The following APBA1 variants were observed in gnomAD, a reference collection of about 807,000 sequenced individuals.
APBA1 encodes amyloid beta precursor protein binding family A member 1.
APBA1 carries 55 observed loss-of-function variants against 86.6 expected under a neutral mutation model. The observed-to-expected ratio is 0.64, with a 90% CI of 0.51 to 0.80. The LOEUF is 0.80. Among genes scored for constraint, APBA1 ranks in the 30% least tolerant of loss-of-function variants. The probability of loss-of-function intolerance (pLI) is 0.00; values close to 1 mark genes in which losing one functional copy is unlikely to be tolerated. For synonymous variants in APBA1, 511 were observed against 493.9 expected (o/e 1.03, Z -0.46); for missense variants, 1,090 against 1,183.0 (o/e 0.92, Z 1.15).
intron 2 of APBA1, among the ~76,000 whole-genome samples, chr9:69,510,766 C>T (rs375300153): frequency 3.4e-5 from 5 of 145,670 alleles, no homozygotes; most frequent in East Asian, 2.1e-4. Flanking sequence ...GAAATAACGC[C>T]GCATATCTAC....
At chr9:69,618,448 A>C (rs1340230574) in intron 1 of APBA1, among the ~76,000 whole-genome samples, 2 of 152,248 alleles carry the variant, frequency 1.3e-5, no homozygotes, top group Admixed American at 1.3e-4. Context: ...CAAAGCTCAC[A>C]ATATGGAAGG....
intron 1 of APBA1, among the ~76,000 whole-genome samples, chr9:69,621,420 A>T (rs774416310): frequency 6.6e-6 from 1 of 152,144 alleles, no homozygotes; most frequent in Non-Finnish European, 1.5e-5. Context: ...TTTCCAGTCA[A>T]CCAGCCTAGA....
chr9:69,467,717 A>G, intron 5 of APBA1, 106 bp downstream of exon 5: 1 of 1,468,116 alleles, frequency 6.8e-7, no homozygotes. Context: ...ATGTCATCTC[A>G]AACCACTCTC....
intron 1 of APBA1, among the ~76,000 whole-genome samples, chr9:69,525,981 T>C (rs1408787263): frequency 6.6e-6 from 1 of 152,158 alleles, no homozygotes; most frequent in Non-Finnish European, 1.5e-5. Context: ...GACTCCTTGT[T>C]CAATAAATGG....
At chr9:69,630,461 T>G (rs1294418841) in intron 1 of APBA1, among the ~76,000 whole-genome samples, 1 of 152,142 alleles carries the variant, frequency 6.6e-6, no homozygotes, top group Non-Finnish European at 1.5e-5. Flanking sequence ...ACCCTCCTGG[T>G]CGCCACTGAA....
intron 10 of APBA1, among the ~76,000 whole-genome samples, chr9:69,447,717 T>A (rs1748607924): frequency 6.6e-6 from 1 of 152,194 alleles, no homozygotes; most frequent in Non-Finnish European, 1.5e-5. Context: ...CTTCCTAGCT[T>A]GTACAATGGG....
chr9:69,630,699 C>G (rs1038388751), intron 1 of APBA1, among the ~76,000 whole-genome samples: 3 of 152,194 alleles, frequency 2.0e-5, no homozygotes, highest in African/African-American at 7.2e-5. Flanking sequence ...TAGAAACACT[C>G]CCCTCTCTCC....
In APBA1 at chr9:69,456,354, G is replaced by A. The variant is rs199844166; in HGVS notation, c.1681C>T (p.Arg561Trp). 121 of 1,613,964 alleles carry A rather than the reference G, an allele frequency of 7.5e-5. No individual in the cohort carries two copies. Among genetic ancestry groups the A allele is most frequent in the Middle Eastern group, 1.6e-4 (1 of 6,084 alleles). The change falls in exon 8 of 13, where the codon CGG becomes TGG. Residue 561 changes from arginine (R) to tryptophan (W), a missense_variant. By Grantham distance (101) the Arg-to-Trp change is moderately radical. Transcript: ENST00000265381. Reference sequence around the variant, plus strand: ...TGGGAGTTGGAGCGAGGCATCCGCCGGCGGGCCATCAGCACAACGATGTTC... The same window carrying A: ...TGGGAGTTGGAGCGAGGCATCCGCCAGCGGGCCATCAGCACAACGATGTTC... The part of the protein sequence containing the change: ...IGNIVVLMAR[R>W]RMPRSNSQEN...
At chr9:69,595,831 C>T (rs1414114295) in intron 1 of APBA1, among the ~76,000 whole-genome samples, 1 of 152,110 alleles carries the variant, frequency 6.6e-6, no homozygotes, top group African/African-American at 2.4e-5. Context: ...CTGAAGAGAC[C>T]TTCAGGTCAG....
At chr9:69,456,163 C>G in intron 8 of APBA1, 84 bp downstream of exon 8, 1 of 1,402,748 alleles carries the variant, frequency 7.1e-7, no homozygotes. Context: ...ATACATGCAT[C>G]ATGTGTGATG....
intron 1 of APBA1, among the ~76,000 whole-genome samples, chr9:69,601,770 T>C (rs1822353893): frequency 6.6e-6 from 1 of 152,220 alleles, no homozygotes; most frequent in African/African-American, 2.4e-5. Flanking sequence ...TGGCAGTGCT[T>C]GAATCAAACA....
chr9:69,603,514 C>T (rs1822396639), intron 1 of APBA1, among the ~76,000 whole-genome samples: 1 of 152,216 alleles, frequency 6.6e-6, no homozygotes, highest in South Asian at 2.1e-4. Flanking sequence ...CTGTTATAAA[C>T]TTGCTATAAT....
intron 1 of APBA1, among the ~76,000 whole-genome samples, chr9:69,547,385 T>C (rs1302656507): frequency 6.6e-6 from 1 of 152,146 alleles, no homozygotes; most frequent in Admixed American, 6.5e-5. Context: ...GTAAAGAAGG[T>C]GCATTTCAGC....
intron 1 of APBA1, among the ~76,000 whole-genome samples, chr9:69,600,828 A>G (rs1454692487): frequency 6.7e-6 from 1 of 149,196 alleles, no homozygotes; most frequent in African/African-American, 2.4e-5. Flanking sequence ...AAATAAATAA[A>G]TAAATAAAAT....
Position 69,440,096 on chromosome 9 carries a change from C to T in APBA1, c.2301+900G>A, listed in dbSNP as rs536088940. 5.0e-3 allele frequency among the ~76,000 whole-genome samples: 765 copies of T among 152,274 alleles called. 2 individuals carry two copies. Among genetic ancestry groups the T allele is most frequent in the South Asian group, 0.02 (95 of 4,820 alleles). On this transcript the variant is annotated intron_variant, in intron 11 of 12. Transcript: ENST00000265381. ...ATCAGCAGCAGTGGCTGCAGAACAG[C>T]GGATATTGGTGAACCGCAAATGCTG...
At chr9:69,600,815 A>G (rs1313589246) in intron 1 of APBA1, among the ~76,000 whole-genome samples, 1 of 149,158 alleles carries the variant, frequency 6.7e-6, no homozygotes, top group African/African-American at 2.4e-5. Context: ...ATAATAAATA[A>G]ATAAATAAAT....
chr9:69,499,412 C>T (rs1344643104), intron 2 of APBA1, among the ~76,000 whole-genome samples: 1 of 152,126 alleles, frequency 6.6e-6, no homozygotes, highest in African/African-American at 2.4e-5. Flanking sequence ...CCCTTGCTAA[C>T]CGGATCCTGG....
At chr9:69,568,142 C>T (rs535333880) in intron 1 of APBA1, among the ~76,000 whole-genome samples, 34 of 152,242 alleles carry the variant, frequency 2.2e-4, no homozygotes, top group Non-Finnish European at 3.5e-4. Context: ...ACGTTTTCCA[C>T]GTAGAGAAGA....
chr9:69,553,272 T>A (rs1337294503), intron 1 of APBA1, among the ~76,000 whole-genome samples: 1 of 152,204 alleles, frequency 6.6e-6, no homozygotes, highest in Non-Finnish European at 1.5e-5. Context: ...TTGATGAATG[T>A]GTGTATGTGT....
Sources: allele counts gnomAD v4.1 joint callset (sites outside exome capture counted in the v4.1 genomes callset), GRCh38; gene constraint gnomAD v4.1.1; transcripts MANE v1.5; gene names NCBI Gene and HGNC (gene_info 2026-07-23, HGNC 2026-07-21).